KDSR: variants seen among roughly 807,000 people sequenced by gnomAD.
The protein encoded by KDSR is 3-dehydrosphinganine reductase.
Under a neutral mutation model 41.3 loss-of-function variants are expected in KDSR, and 23 were observed. The ratio of observed to expected loss-of-function variants is 0.56; its 90% confidence interval spans 0.40 to 0.79. The LOEUF (loss-of-function observed/expected upper bound fraction) is 0.79, where lower values mean the gene tolerates loss of function less well. Among genes scored for constraint, KDSR ranks in the 30% least tolerant of loss-of-function variants. The pLI is 0.00. For synonymous variants in KDSR, 138 were observed against 151.7 expected, an observed-to-expected ratio of 0.91 and a Z score of 0.66; for missense variants, 351 against 416.8, an observed-to-expected ratio of 0.84 and a Z score of 1.37.
At chr18:63,360,130 G>A (rs1914919532) in intron 2 of KDSR, among the ~76,000 whole-genome samples, 3 of 152,164 alleles carry the variant, frequency 2.0e-5, no homozygotes, top group Admixed American at 6.5e-5. Flanking sequence ...TGTGATATAA[G>A]ACAAGAACAA....
intron 9 of KDSR, among the ~76,000 whole-genome samples, chr18:63,332,925 G>GA (rs973406994): frequency 2.0e-5 from 3 of 151,622 alleles, no homozygotes; most frequent in East Asian, 1.9e-4. Context: ...GGATCTTCCG[G>GA]AAAAAACAAT....
At chr18:63,333,890 T>C (rs1466340532) in intron 9 of KDSR, among the ~76,000 whole-genome samples, 1 of 152,060 alleles carries the variant, frequency 6.6e-6, no homozygotes, top group Non-Finnish European at 1.5e-5. Flanking sequence ...TGTGAAGAAC[T>C]GAGTGACAAG....
chr18:63,359,638 G>A lies in KDSR; in HGVS notation c.255+98C>T. The A allele has an allele frequency of 3.7e-6, 3 of 800,616 alleles. No homozygotes were observed. In the South Asian group the frequency reaches 4.2e-5, roughly 11 times the overall value. 49.6% of individuals were successfully genotyped at this position (800,616 alleles called of 1,614,324 possible). A position where few individuals can be genotyped will look rare whatever the true frequency, so the allele number is the denominator to read the frequency against. ...ACCTTTTAAAAAACAGTACATATAT[G>A]CTTTCAATTAACTATTCACAGGTGA... On this transcript the variant is annotated intron_variant, in intron 3 of 9. Coordinates refer to ENST00000645214, the MANE Select transcript of KDSR (RefSeq NM_002035.4).
At chr18:63,358,796 C>CAG (rs1397647652) in intron 3 of KDSR, among the ~76,000 whole-genome samples, 20 of 103,862 alleles carry the variant, frequency 1.9e-4, no homozygotes, top group African/African-American at 7.2e-4. Flanking sequence ...GCCTGGGTGA[C>CAG]AGAGAGAGAC....
At chr18:63,341,098 G>A (rs1248441550) in intron 7 of KDSR, among the ~76,000 whole-genome samples, 1 of 151,242 alleles carries the variant, frequency 6.6e-6, no homozygotes, top group African/African-American at 2.5e-5. Flanking sequence ...TTTACAATTG[G>A]CATTTTAGTG....
intron 8 of KDSR, 133 bp downstream of exon 8, chr18:63,338,667 A>G (rs1282634340): frequency 9.1e-6 from 6 of 661,522 alleles, no homozygotes; most frequent in Non-Finnish European, 1.3e-5. Context: ...TGAGTCCAAT[A>G]TTAGATATGA....
rs887691320 is a variant in KDSR at position 63,330,299 on chromosome 18, G to A, written c.*1483C>T. The A allele has an allele frequency of 4.6e-6, 1 of 218,058 alleles. No individual in the cohort carries two copies. Among genetic ancestry groups the A allele is most frequent in the African/African-American group, 2.2e-5 (1 of 44,498 alleles). 13.5% of individuals were successfully genotyped at this position (218,058 alleles called of 1,614,324 possible). On this transcript the variant is annotated 3_prime_UTR_variant, in exon 10 of 10. Coordinates refer to ENST00000645214, the MANE Select transcript of KDSR (RefSeq NM_002035.4). Reference sequence around the variant, plus strand: ...AACAGAGGTCTTTTCTCACCGAAGTGATCTGGAATGTGCTACCGTATATGC... The same window carrying A: ...AACAGAGGTCTTTTCTCACCGAAGTAATCTGGAATGTGCTACCGTATATGC...
intron 6 of KDSR, among the ~76,000 whole-genome samples, chr18:63,349,392 A>G (rs1413884765): frequency 6.6e-6 from 1 of 152,204 alleles, no homozygotes; most frequent in Non-Finnish European, 1.5e-5. Context: ...CTAAAAAAAA[A>G]TAATAAAATA....
intron 2 of KDSR, among the ~76,000 whole-genome samples, chr18:63,361,223 AAAAAAAAAAAAAAAG>A (rs1302662287): frequency 2.9e-5 from 4 of 137,442 alleles, no homozygotes; most frequent in Admixed American, 7.6e-5. Flanking sequence ...AAAAAAAAAA[AAAAAAAAAAAAAAAG>A]AATGAATTAC....
chr18:63,345,356 G>A (rs549923915), intron 6 of KDSR: 122 of 152,622 alleles, frequency 8.0e-4, no homozygotes, highest in Non-Finnish European at 1.6e-3. Context: ...AATTCCAGCA[G>A]ATTCTTCTGC....
At chr18:63,355,835 C>G (rs747104312) in intron 3 of KDSR, among the ~76,000 whole-genome samples, 25 of 152,164 alleles carry the variant, frequency 1.6e-4, no homozygotes, top group Non-Finnish European at 3.1e-4. Flanking sequence ...AGGGGTTGCC[C>G]ACAGCCAGGC....
At chr18:63,346,364 T>C (rs1914501975) in intron 6 of KDSR, 1 of 152,354 alleles carries the variant, frequency 6.6e-6, no homozygotes, top group Admixed American at 6.5e-5. Context: ...TGCCCTCTGC[T>C]GTGCATAGAC....
chr18:63,333,062 G>A (rs76644390), intron 9 of KDSR, among the ~76,000 whole-genome samples: 63 of 152,036 alleles, frequency 4.1e-4, no homozygotes, highest in African/African-American at 1.4e-3. Flanking sequence ...GAGATCAGGT[G>A]GTTTATGGCA....
intron 9 of KDSR, among the ~76,000 whole-genome samples, chr18:63,332,924 G>A (rs1280956999): frequency 6.6e-6 from 1 of 151,506 alleles, no homozygotes; most frequent in Non-Finnish European, 1.5e-5. Flanking sequence ...TGGATCTTCC[G>A]GAAAAAACAA....
intron 6 of KDSR, among the ~76,000 whole-genome samples, chr18:63,350,548 T>C (rs1914633766): frequency 6.6e-6 from 1 of 152,216 alleles, no homozygotes; most frequent in Non-Finnish European, 1.5e-5. Context: ...AAACTTCTTG[T>C]TAAAGAAAAA....
At chr18:63,353,949 T>C (rs183994255) in intron 5 of KDSR, among the ~76,000 whole-genome samples, 103 of 152,176 alleles carry the variant, frequency 6.8e-4, no homozygotes, top group Non-Finnish European at 1.3e-3. Context: ...TGGCTCACTT[T>C]AAAAACAGTT....
intron 3 of KDSR, among the ~76,000 whole-genome samples, chr18:63,355,775 T>C (rs112410706): frequency 9.2e-4 from 140 of 152,280 alleles, no homozygotes; most frequent in African/African-American, 3.0e-3. Flanking sequence ...TAAAAATATA[T>C]AAATGCTCCT....
At chr18:63,336,868 A>C (rs1568275772) in intron 8 of KDSR, among the ~76,000 whole-genome samples, 1 of 152,098 alleles carries the variant, frequency 6.6e-6, no homozygotes, top group African/African-American at 2.4e-5. Flanking sequence ...TATCTGTCTC[A>C]GGCCAGATTT....
At chr18:63,350,067 G>A (rs1000174184) in intron 6 of KDSR, among the ~76,000 whole-genome samples, 6 of 152,166 alleles carry the variant, frequency 3.9e-5, no homozygotes, top group African/African-American at 1.2e-4. Flanking sequence ...CATCCACTGG[G>A]GGTCTTAGCT....
Sources: gnomAD v4.1 joint callset for allele counts (sites outside exome capture counted in the v4.1 genomes callset) on GRCh38, gnomAD v4.1.1 for gene constraint, MANE v1.5 for transcripts, NCBI Gene and HGNC (gene_info 2026-07-23, HGNC 2026-07-21) for gene names.